SYN2: variants seen among roughly 807,000 people sequenced by gnomAD.
The protein encoded by SYN2 is synapsin II, also known as synapsin-2.
A neutral mutation model predicts 50.9 loss-of-function variants in SYN2; 19 were observed. The ratio of observed to expected loss-of-function variants is 0.37; its 90% confidence interval spans 0.26 to 0.55. The LOEUF is 0.55. Ranked by LOEUF, SYN2 falls within the 20% of genes least tolerant of loss-of-function variation. The pLI is 0.81. For synonymous variants in SYN2, 255 were observed against 224.9 expected, an observed-to-expected ratio of 1.13 and a Z score of -1.20; for missense variants, 587 against 576.4, an observed-to-expected ratio of 1.02 and a Z score of -0.19.
intron 1 of SYN2, among the ~76,000 whole-genome samples, chr3:12,020,869 C>G (rs1356655741): frequency 6.6e-6 from 1 of 152,082 alleles, no homozygotes. Context: ...ATTAAACAAG[C>G]AATGTAATAA....
intron 1 of SYN2, among the ~76,000 whole-genome samples, chr3:12,055,035 A>G (rs1162499507): frequency 6.6e-6 from 1 of 152,114 alleles, no homozygotes; most frequent in Non-Finnish European, 1.5e-5. Context: ...CAAAATTAAA[A>G]AGCTTGATAC....
intron 1 of SYN2, among the ~76,000 whole-genome samples, chr3:12,042,996 C>G (rs1694652813): frequency 6.6e-6 from 1 of 151,996 alleles, no homozygotes; most frequent in South Asian, 2.1e-4. Context: ...ATAAATCCCC[C>G]CACACCTTTT....
At chr3:12,183,949 A>T (rs927372324) in intron 11 of SYN2, 1 of 991,164 alleles carries the variant, frequency 1.0e-6, no homozygotes, top group African/African-American at 1.7e-5. Context: ...CTGCATGACT[A>T]TTGTAACTAG....
chr3:12,061,379 A>C (rs1314993382), intron 1 of SYN2, among the ~76,000 whole-genome samples: 1 of 152,140 alleles, frequency 6.6e-6, no homozygotes, highest in Non-Finnish European at 1.5e-5. Context: ...CATTCTCAGC[A>C]AACTAGGCAT....
At chr3:12,065,576 T>C (rs1695198949) in intron 1 of SYN2, among the ~76,000 whole-genome samples, 1 of 152,126 alleles carries the variant, frequency 6.6e-6, no homozygotes, top group South Asian at 2.1e-4. Context: ...GAGGCCATTA[T>C]CCTAAATGAA....
intron 1 of SYN2, among the ~76,000 whole-genome samples, chr3:12,137,641 GAAGAGGCCCATCA>G (rs1696923021): frequency 1.3e-5 from 2 of 152,150 alleles, no homozygotes; most frequent in Non-Finnish European, 2.9e-5. Flanking sequence ...TATTAAAAAG[GAAGAGGCCCATCA>G]ATATGTGCTG....
chr3:12,161,556 C>G lies in SYN2; in HGVS notation c.785C>G (p.Pro262Arg). The change falls in exon 6 of 13, where the codon CCC (proline) becomes CGC (arginine). Residue 262 changes from proline to arginine, a missense_variant. Physicochemically the swap from Pro to Arg is moderately radical, Grantham distance 103. Coordinates refer to ENST00000621198, the MANE Select transcript of SYN2 (RefSeq NM_133625.6). ...YPNHKEMLTL[P>R]TFPVVVKIGH... ...CTCTTCTGATTTCAGCTGACACTGCCCACGTTCCCTGTGGTGGTGAAGATT... is the reference window on the plus strand; with the variant it reads ...CTCTTCTGATTTCAGCTGACACTGCGCACGTTCCCTGTGGTGGTGAAGATT... The G allele has an allele frequency of 5.6e-6, 9 of 1,613,982 alleles. No individual in the cohort carries two copies. The highest frequency in any genetic ancestry group is 7.6e-6 in the Non-Finnish European group (9 of 1,179,898).
intron 1 of SYN2, among the ~76,000 whole-genome samples, chr3:12,063,467 A>G (rs1574917855): frequency 6.6e-6 from 1 of 152,160 alleles, no homozygotes; most frequent in East Asian, 1.9e-4. Context: ...CTATACATGT[A>G]TACTGAAATT....
chr3:12,126,957 C>A (rs974872575), intron 1 of SYN2, among the ~76,000 whole-genome samples: 4 of 152,096 alleles, frequency 2.6e-5, no homozygotes, highest in African/African-American at 9.7e-5. Context: ...TCCCCTTCCC[C>A]CTACCAAGTG....
At chr3:12,143,245 A>G (rs1697068196) in intron 3 of SYN2, among the ~76,000 whole-genome samples, 1 of 152,200 alleles carries the variant, frequency 6.6e-6, no homozygotes. Context: ...GAACTGGGAC[A>G]CAAGAAGGTC....
intron 1 of SYN2, among the ~76,000 whole-genome samples, chr3:12,036,205 C>G (rs904463354): frequency 1.3e-5 from 2 of 152,048 alleles, no homozygotes; most frequent in Non-Finnish European, 2.9e-5. Flanking sequence ...GTAGTGGAGA[C>G]TCTCTGTGGT....
intron 1 of SYN2, among the ~76,000 whole-genome samples, chr3:12,112,713 A>G (rs1696349716): frequency 6.6e-6 from 1 of 152,182 alleles, no homozygotes; most frequent in Non-Finnish European, 1.5e-5. Flanking sequence ...GCAAATTAAT[A>G]GTGATTGGCA....
chr3:12,145,589 T>G (rs1450287294), intron 3 of SYN2, 90 bp from the exon 4 acceptor site: 1 of 1,455,704 alleles, frequency 6.9e-7, no homozygotes, highest in African/African-American at 1.4e-5. Flanking sequence ...TAAGCCCTCT[T>G]CTTTATCTTG....
At chr3:12,066,246 A>C (rs1695216156) in intron 1 of SYN2, among the ~76,000 whole-genome samples, 1 of 152,190 alleles carries the variant, frequency 6.6e-6, no homozygotes, top group South Asian at 2.1e-4. Context: ...ACTGATGTAA[A>C]ATGATAGTAT....
chr3:12,081,805 T>G (rs970653163), intron 1 of SYN2, among the ~76,000 whole-genome samples: 2 of 152,196 alleles, frequency 1.3e-5, no homozygotes, highest in Non-Finnish European at 2.9e-5. Flanking sequence ...CTTTTCCCAC[T>G]TATCTATATG....
At chr3:12,166,837 G>A (rs1352525552) in intron 7 of SYN2, among the ~76,000 whole-genome samples, 2 of 152,216 alleles carry the variant, frequency 1.3e-5, no homozygotes, top group Non-Finnish European at 2.9e-5. Context: ...GACACGATAT[G>A]TACCTTCAAG....
chr3:12,007,994 T>G (rs1331306148), intron 1 of SYN2, among the ~76,000 whole-genome samples: 1 of 152,224 alleles, frequency 6.6e-6, no homozygotes, highest in Non-Finnish European at 1.5e-5. Context: ...ACCTTATTAT[T>G]TATTATTAGT....
chr3:12,178,245 A>G (rs1469218603), intron 10 of SYN2, among the ~76,000 whole-genome samples: 3 of 152,042 alleles, frequency 2.0e-5, no homozygotes, highest in Non-Finnish European at 4.4e-5. Context: ...CCCTTTCCCA[A>G]TTTCCTGTCT....
chr3:12,100,603 A>G lies in SYN2; in HGVS notation c.378-40048A>G, dbSNP rs529644792. 2.6e-5 allele frequency among the ~76,000 whole-genome samples: 4 copies of G among 152,342 alleles called. No individual in the cohort carries two copies. The South Asian group carries it at 8.3e-4, about 32-fold the overall frequency. ...TATGATACCAAAAGCACAAGCAATA[A>G]AAGAAAAATAGAAATATTAAATTTC... On this transcript the variant is annotated intron_variant, in intron 1 of 12. Coordinates refer to ENST00000621198, the MANE Select transcript of SYN2 (RefSeq NM_133625.6).
Sources: gnomAD v4.1 joint callset for allele counts (sites outside exome capture counted in the v4.1 genomes callset) on GRCh38, gnomAD v4.1.1 for gene constraint, MANE v1.5 for transcripts, NCBI Gene and HGNC (gene_info 2026-07-23, HGNC 2026-07-21) for gene names.